The following BAZ2B variants were observed in gnomAD, a reference collection of about 807,000 sequenced individuals.
The protein encoded by BAZ2B is bromodomain adjacent to zinc finger domain protein 2B.
BAZ2B carries 91 observed loss-of-function variants against 246.0 expected under a neutral mutation model. That is an observed-to-expected ratio of 0.37 (90% CI 0.31 to 0.44). The LOEUF is 0.44. BAZ2B is among the 20% of genes least tolerant of loss of function. BAZ2B has a pLI of 1.00. For missense variants in BAZ2B, 2,332 were observed against 2,533.7 expected (o/e 0.92, Z 1.71); for synonymous variants, 855 against 860.0 (o/e 0.99, Z 0.10).
intron 9 of BAZ2B, 130 bp from the exon 10 acceptor site, chr2:159,431,286 G>A (rs2071064574): frequency 7.6e-7 from 1 of 1,311,280 alleles, no homozygotes; most frequent in Non-Finnish European, 1.0e-6. Flanking sequence ...TTTTCCTACA[G>A]AGTAAATGTT....
intron 4 of BAZ2B, among the ~76,000 whole-genome samples, chr2:159,449,952 T>C (rs12468076): frequency 0.37 from 55,402 of 151,776 alleles, 10,903 homozygotes; most frequent in Non-Finnish European, 0.46. Flanking sequence ...GAAAGGTTCA[T>C]TTGAGGCCAG....
chr2:159,663,187 GTTGT>G, the BAZ2B span, among the ~76,000 whole-genome samples: 1 of 147,520 alleles, frequency 6.8e-6, no homozygotes, highest in Non-Finnish European at 1.5e-5. Context: ...TTCTTTTGTT[GTTGT>G]TTTTTTTTTC....
intron 3 of BAZ2B, 63 bp downstream of exon 3, chr2:159,478,511 TA>T: frequency 6.6e-7 from 1 of 1,505,052 alleles, no homozygotes; most frequent in Non-Finnish European, 8.9e-7. Flanking sequence ...CAGTGCTCAA[TA>T]AAATATTATG....
At chr2:159,345,146 G>A (rs2067556576) in intron 31 of BAZ2B, among the ~76,000 whole-genome samples, 1 of 151,808 alleles carries the variant, frequency 6.6e-6, no homozygotes, top group African/African-American at 2.4e-5. Context: ...GGGAGGTGGA[G>A]GTTGCTGTGA....
chr2:159,415,666 C>T (rs1307579736), intron 13 of BAZ2B, among the ~76,000 whole-genome samples: 1 of 152,038 alleles, frequency 6.6e-6, no homozygotes, highest in Non-Finnish European at 1.5e-5. Flanking sequence ...CTAAAAATAT[C>T]CTCAAAGTAG....
chr2:159,681,180 A>G, the BAZ2B span, among the ~76,000 whole-genome samples: 5 of 152,184 alleles, frequency 3.3e-5, no homozygotes, highest in Non-Finnish European at 5.9e-5. Context: ...TTATGGTAAA[A>G]TTTATCATAA....
At chr2:159,401,200 T>C (rs1267474962) in intron 16 of BAZ2B, among the ~76,000 whole-genome samples, 1 of 152,196 alleles carries the variant, frequency 6.6e-6, no homozygotes, top group Non-Finnish European at 1.5e-5. Context: ...AAACAGAAAC[T>C]CAGTGAACCA....
intron 6 of BAZ2B, chr2:159,444,744 T>A (rs115784427): frequency 0.011 from 1,720 of 152,378 alleles, 51 homozygotes; most frequent in East Asian, 0.091. Context: ...AGAAGCTTCC[T>A]GTCACAATAT....
At position 159,432,782 on chromosome 2, in the gene BAZ2B, A is replaced by ATCTTCATCATCTTCCTCATCTTCT; in HGVS notation, c.1851_1874dup (p.Glu617_Glu624dup). The ATCTTCATCATCTTCCTCATCTTCT allele has an allele frequency of 6.2e-7, 1 of 1,612,780 alleles. No individual in the cohort carries two copies. The highest frequency in any genetic ancestry group is 8.5e-7 in the Non-Finnish European group (1 of 1,178,932). ...CTGATTGGCTGTCATCAGATTCATC[A>ATCTTCATCATCTTCCTCATCTTCT]TCTTCATCATCTTCCTCATCTTCTT... On this transcript the variant is annotated inframe_insertion, in exon 9 of 37. Coordinates refer to ENST00000392783, the MANE Select transcript of BAZ2B (RefSeq NM_013450.4).
chr2:159,632,121 T>G, the BAZ2B span, among the ~76,000 whole-genome samples: 1 of 151,976 alleles, frequency 6.6e-6, no homozygotes, highest in Non-Finnish European at 1.5e-5. Context: ...AATATTGGAG[T>G]AATAGAGAAA....
chr2:159,679,287 A>ACC, the BAZ2B span, among the ~76,000 whole-genome samples: 350 of 139,974 alleles, frequency 2.5e-3, 5 homozygotes, highest in Middle Eastern at 3.8e-3. Flanking sequence ...AAAAAAAAAA[A>ACC]AAAAAAAGAT....
At chr2:159,598,872 A>T (rs1453685061) in intron 1 of BAZ2B, among the ~76,000 whole-genome samples, 1 of 151,882 alleles carries the variant, frequency 6.6e-6, no homozygotes, top group Non-Finnish European at 1.5e-5. Flanking sequence ...ATAAATAAAT[A>T]AAATATAGCT....
chr2:159,344,838 T>C (rs2067477337), intron 31 of BAZ2B, among the ~76,000 whole-genome samples: 1 of 151,398 alleles, frequency 6.6e-6, no homozygotes, highest in Non-Finnish European at 1.5e-5. Flanking sequence ...CTCATAGAAG[T>C]AAAAAGTAGA....
the BAZ2B span, among the ~76,000 whole-genome samples, chr2:159,642,955 TCTC>T: frequency 1.3e-5 from 2 of 152,196 alleles, no homozygotes; most frequent in East Asian, 1.9e-4. Flanking sequence ...TCTTAATACT[TCTC>T]CTCACAATCA....
At chr2:159,704,859 C>T in the BAZ2B span, among the ~76,000 whole-genome samples, 27 of 152,202 alleles carry the variant, frequency 1.8e-4, no homozygotes, top group East Asian at 3.5e-3. Context: ...CCCACCACCA[C>T]GCCCGGCTAA....
intron 16 of BAZ2B, among the ~76,000 whole-genome samples, chr2:159,401,973 C>T: frequency 6.6e-6 from 1 of 152,128 alleles, no homozygotes; most frequent in East Asian, 1.9e-4. Flanking sequence ...TGAAGCTATA[C>T]ATTAATATGC....
intron 1 of BAZ2B, among the ~76,000 whole-genome samples, chr2:159,608,153 T>C (rs577792944): frequency 1.3e-5 from 2 of 152,318 alleles, no homozygotes; most frequent in South Asian, 2.1e-4. Flanking sequence ...GGTGCGCAGA[T>C]TGTTTGAGTC....
At chr2:159,452,351 G>A (rs2150448565) in intron 4 of BAZ2B, among the ~76,000 whole-genome samples, 1 of 152,260 alleles carries the variant, frequency 6.6e-6, no homozygotes, top group East Asian at 1.9e-4. Context: ...ATGTGCACCA[G>A]ATACTGTACT....
intron 14 of BAZ2B, among the ~76,000 whole-genome samples, chr2:159,407,197 C>G (rs532286822): frequency 6.6e-6 from 1 of 151,986 alleles, no homozygotes; most frequent in Admixed American, 6.6e-5. Flanking sequence ...ACTGGCTGGG[C>G]ACAGTGGCTC....
Sources: allele counts gnomAD v4.1 joint callset (sites outside exome capture counted in the v4.1 genomes callset), GRCh38; gene constraint gnomAD v4.1.1; transcripts MANE v1.5; gene names NCBI Gene and HGNC (gene_info 2026-07-23, HGNC 2026-07-21).